The following SLC26A5 variants were observed in gnomAD, a reference collection of about 807,000 sequenced individuals.
SLC26A5 encodes the protein prestin.
In SLC26A5, 51 loss-of-function variants were observed where a neutral mutation model predicts 81.0. That is an observed-to-expected ratio of 0.63 (90% confidence interval 0.50 to 0.80). The LOEUF (loss-of-function observed/expected upper bound fraction) is 0.80, where lower values mean the gene tolerates loss of function less well. SLC26A5 is among the 30% of genes least tolerant of loss of function. The probability of loss-of-function intolerance (pLI) is 0.00; values close to 1 mark genes in which losing one functional copy is unlikely to be tolerated. For synonymous variants in SLC26A5, 325 were observed against 332.8 expected, an observed-to-expected ratio of 0.98 and a Z score of 0.25; for missense variants, 771 against 905.8, an observed-to-expected ratio of 0.85 and a Z score of 1.91.
In SLC26A5 at chr7:103,442,902, C is replaced by T. The variant is rs1473288980; in HGVS notation, c.-54+181G>A. ...AGGATATCTTAGGCTGATCCTGATC[C>T]AAGTTAAAAGGTAAGTGTAAGGTGT... On this transcript the variant is annotated intron_variant, in intron 2 of 19. Coordinates refer to ENST00000306312, the MANE Select transcript of SLC26A5 (RefSeq NM_198999.3). Among the ~76,000 whole-genome samples the T allele has an allele frequency of 3.3e-5, 5 of 152,142 alleles. No individual in the cohort carries two copies. In the East Asian group the frequency reaches 9.6e-4, roughly 29 times the overall value.
intron 9 of SLC26A5, among the ~76,000 whole-genome samples, chr7:103,395,499 A>ATG (rs1823021533): frequency 6.1e-5 from 2 of 32,536 alleles, no homozygotes; most frequent in Admixed American, 5.2e-4. Context: ...ATATATATGT[A>ATG]TGTATATATA....
intron 7 of SLC26A5, among the ~76,000 whole-genome samples, chr7:103,409,641 T>A (rs1181569307): frequency 6.6e-6 from 1 of 152,206 alleles, no homozygotes; most frequent in Non-Finnish European, 1.5e-5. Context: ...GGGGTCTATA[T>A]AATTAAAAGA....
chr7:103,415,917 T>C (rs1054711785), intron 4 of SLC26A5, among the ~76,000 whole-genome samples: 7 of 152,220 alleles, frequency 4.6e-5, no homozygotes, highest in African/African-American at 1.7e-4. Flanking sequence ...TCCTATTAGA[T>C]GTATGATGGG....
intron 19 of SLC26A5, among the ~76,000 whole-genome samples, chr7:103,364,744 A>C (rs1253833673): frequency 1.3e-5 from 2 of 152,044 alleles, no homozygotes; most frequent in Non-Finnish European, 2.9e-5. Flanking sequence ...TTAGTAGTTT[A>C]GAAGCTGCCT....
chr7:103,368,792 A>G (rs1820861308), intron 19 of SLC26A5: 1 of 152,236 alleles, frequency 6.6e-6, no homozygotes, highest in South Asian at 2.1e-4. Context: ...TAATTTAGAA[A>G]GTCCAGAATT....
chr7:103,358,412 T>C (rs1820166235), intron 19 of SLC26A5, among the ~76,000 whole-genome samples: 2 of 152,204 alleles, frequency 1.3e-5, no homozygotes, highest in Non-Finnish European at 2.9e-5. Context: ...CCTTCCGTTT[T>C]CTTGGACCCT....
At chr7:103,370,672 T>C (rs755777836), downstream of SLC26A5, among the ~76,000 whole-genome samples, 1 of 152,124 alleles carries the variant, frequency 6.6e-6, no homozygotes, top group Non-Finnish European at 1.5e-5. Flanking sequence ...GCAGATGAGA[T>C]TGGCAATTGG....
intron 19 of SLC26A5, among the ~76,000 whole-genome samples, chr7:103,358,360 T>C (rs1429586069): frequency 1.3e-5 from 2 of 152,152 alleles, no homozygotes; most frequent in African/African-American, 4.8e-5. Flanking sequence ...CTCTTGTCCT[T>C]TAGTAAGGCA....
chr7:103,365,982 G>A, intron 19 of SLC26A5: 1 of 982,592 alleles, frequency 1.0e-6, no homozygotes, highest in Non-Finnish European at 1.5e-6. Context: ...AATACTGTTA[G>A]GAATAAATAT....
At chr7:103,429,819 G>C (rs906924096) in intron 2 of SLC26A5, among the ~76,000 whole-genome samples, 50 of 152,328 alleles carry the variant, frequency 3.3e-4, no homozygotes, top group African/African-American at 1.1e-3. Context: ...TTGGCTGAAT[G>C]ATCTTGAGTG....
At chr7:103,441,017 TA>T (rs1400416399) in intron 2 of SLC26A5, among the ~76,000 whole-genome samples, 1 of 152,210 alleles carries the variant, frequency 6.6e-6, no homozygotes, top group African/African-American at 2.4e-5. Flanking sequence ...TCAAGGGCCA[TA>T]AGCCCACATT....
At chr7:103,357,625 CTGTTA>C (rs1820112999) in intron 19 of SLC26A5, among the ~76,000 whole-genome samples, 1 of 152,130 alleles carries the variant, frequency 6.6e-6, no homozygotes, top group African/African-American at 2.4e-5. Context: ...CTATGTAATT[CTGTTA>C]TAATTTTGGT....
chr7:103,392,550 T>C (rs1027333957), intron 10 of SLC26A5, among the ~76,000 whole-genome samples: 3 of 152,240 alleles, frequency 2.0e-5, no homozygotes, highest in South Asian at 2.1e-4. Context: ...AGATTAGTTC[T>C]TGTGCCTTCC....
chr7:103,415,357 T>C (rs1488067374), intron 4 of SLC26A5, among the ~76,000 whole-genome samples: 1 of 152,214 alleles, frequency 6.6e-6, no homozygotes, highest in Non-Finnish European at 1.5e-5. Flanking sequence ...CACTTCCAAC[T>C]CGTTTAGCTG....
chr7:103,381,094 T>C (rs1034180263), intron 14 of SLC26A5, among the ~76,000 whole-genome samples: 4 of 149,742 alleles, frequency 2.7e-5, no homozygotes, highest in Non-Finnish European at 1.5e-5. Context: ...ACCACACATA[T>C]ACACATCATA....
chr7:103,389,711 C>T (rs1221841623), intron 12 of SLC26A5, among the ~76,000 whole-genome samples: 1 of 152,174 alleles, frequency 6.6e-6, no homozygotes, highest in Non-Finnish European at 1.5e-5. Flanking sequence ...CAACCTCTGC[C>T]TCCCAGGTTC....
downstream of SLC26A5, among the ~76,000 whole-genome samples, chr7:103,372,879 TAA>T (rs5886252): frequency 2.8e-5 from 4 of 142,630 alleles, no homozygotes; most frequent in African/African-American, 7.7e-5. Flanking sequence ...AAGGGAAATC[TAA>T]AAAAAAAAAA....
chr7:103,378,719 C>A (rs1293718142), intron 16 of SLC26A5, among the ~76,000 whole-genome samples, 166 bp from the exon 17 acceptor site: 2 of 152,218 alleles, frequency 1.3e-5, no homozygotes, highest in Non-Finnish European at 2.9e-5. Flanking sequence ...TACTCCCTTA[C>A]ATTAGTAGCC....
intron 19 of SLC26A5, chr7:103,362,795 T>TTA: frequency 9.6e-6 from 2 of 209,186 alleles, no homozygotes; most frequent in Non-Finnish European, 1.7e-5. Flanking sequence ...AGGCTATGTC[T>TTA]TTTTTTTTTT....
Sources: allele counts gnomAD v4.1 joint callset (sites outside exome capture counted in the v4.1 genomes callset), GRCh38; gene constraint gnomAD v4.1.1; transcripts MANE v1.5; gene names NCBI Gene and HGNC (gene_info 2026-07-23, HGNC 2026-07-21).